The following ATP2B1 variants were observed in gnomAD, a reference collection of about 807,000 sequenced individuals.
ATP2B1 encodes ATPase plasma membrane Ca2+ transporting 1, also known as plasma membrane calcium-transporting ATPase 1.
A neutral mutation model predicts 124.2 loss-of-function variants in ATP2B1; 14 were observed. That is an observed-to-expected ratio of 0.11 (90% CI 0.07 to 0.18). The LOEUF (loss-of-function observed/expected upper bound fraction) is 0.18, where lower values mean the gene tolerates loss of function less well. Ranked by LOEUF, ATP2B1 falls within the 10% of genes least tolerant of loss-of-function variation. The probability of loss-of-function intolerance (pLI) is 1.00; values close to 1 mark genes in which losing one functional copy is unlikely to be tolerated. For synonymous variants in ATP2B1, 449 were observed against 492.4 expected (o/e 0.91, Z 1.17); for missense variants, 763 against 1,466.1 (o/e 0.52, Z 7.83).
intron 1 of ATP2B1, among the ~76,000 whole-genome samples, chr12:89,663,571 T>TA (rs901888241): frequency 2.6e-5 from 4 of 151,856 alleles, no homozygotes; most frequent in African/African-American, 7.3e-5. Context: ...TACCATTTGG[T>TA]AAAAAAAACA....
intron 3 of ATP2B1, among the ~76,000 whole-genome samples, chr12:89,637,318 C>T (rs530498540): frequency 5.3e-5 from 8 of 151,988 alleles, no homozygotes; most frequent in Non-Finnish European, 8.8e-5. Context: ...CTTTTAGCTG[C>T]GAGACATTAA....
At chr12:89,608,832 C>T (rs1877459706) in intron 15 of ATP2B1, among the ~76,000 whole-genome samples, 1 of 152,190 alleles carries the variant, frequency 6.6e-6, no homozygotes, top group Non-Finnish European at 1.5e-5. Flanking sequence ...AGGAAGAGCA[C>T]TTAATTATTC....
At chr12:89,595,141 T>C (rs1438931630) in intron 20 of ATP2B1, among the ~76,000 whole-genome samples, 1 of 152,064 alleles carries the variant, frequency 6.6e-6, no homozygotes, top group East Asian at 1.9e-4. Context: ...AATTATACAG[T>C]CTGTCATAAT....
At chr12:89,707,762 A>C (rs1386076001) in intron 1 of ATP2B1, among the ~76,000 whole-genome samples, 2 of 152,094 alleles carry the variant, frequency 1.3e-5, no homozygotes, top group African/African-American at 2.4e-5. Context: ...GCGCACAGAG[A>C]CCAACCTGGC....
At chr12:89,697,403 T>C (rs1891273641) in intron 1 of ATP2B1, among the ~76,000 whole-genome samples, 1 of 152,130 alleles carries the variant, frequency 6.6e-6, no homozygotes, top group Admixed American at 6.5e-5. Context: ...GACTCTTGAG[T>C]TATCCATAGA....
intron 9 of ATP2B1, among the ~76,000 whole-genome samples, chr12:89,623,053 T>A (rs1880263950): frequency 8.8e-6 from 1 of 113,384 alleles, no homozygotes; most frequent in South Asian, 3.6e-4. Context: ...TTATACTGTA[T>A]CTTATCACTT....
In ATP2B1 at chr12:89,655,965, C is replaced by CT; in HGVS notation, c.-80dup. ...CTTGATGTATTTCCAAGATGAAAAT[C>CT]TTTTAAGTATGAAAATCTTTCTTAA... is the stretch of plus-strand genomic sequence containing the variant. On this transcript the variant is annotated 5_prime_UTR_variant, in exon 2 of 21. Coordinates refer to ENST00000428670, the MANE Select transcript of ATP2B1 (RefSeq NM_001366521.1). The CT allele has an allele frequency of 1.4e-6, 2 of 1,405,112 alleles. No homozygotes were observed. The highest frequency in any genetic ancestry group is 1.9e-6 in the Non-Finnish European group (2 of 1,042,202). The allele number at this position is 1,405,112 out of a possible 1,614,324, so 87.0% of individuals were successfully genotyped here. A position where few individuals can be genotyped will look rare whatever the true frequency, so the allele number is the denominator to read the frequency against.
chr12:89,629,120 C>T (rs1881424338), intron 6 of ATP2B1, among the ~76,000 whole-genome samples: 1 of 152,154 alleles, frequency 6.6e-6, no homozygotes, highest in Admixed American at 6.5e-5. Context: ...GGAAAAGACA[C>T]TGTGGAATAC....
At chr12:89,675,258 A>T (rs1431511440) in intron 1 of ATP2B1, among the ~76,000 whole-genome samples, 1 of 152,212 alleles carries the variant, frequency 6.6e-6, no homozygotes, top group African/African-American at 2.4e-5. Context: ...TTAAAAATGA[A>T]CTAGAAAACC....
rs533918161 is a variant in ATP2B1 at position 89,630,809 on chromosome 12, C to G, written c.788-164G>C. 6.6e-4 allele frequency: 54 copies of G among 82,332 alleles called. No homozygotes were observed. The South Asian group carries it at 0.022, about 34-fold the overall frequency. 5.1% of individuals were successfully genotyped at this position (82,332 alleles called of 1,614,324 possible). The stretch of plus-strand genomic sequence containing the variant: ...TATATATATATTTTTAAGTCAGGGT[C>G]TTGGTCTGTCACCCAGGCTGGAGTG... On this transcript the variant is annotated intron_variant, in intron 5 of 20. Transcript: ENST00000428670.
At chr12:89,677,186 T>A (rs1888718957) in intron 1 of ATP2B1, among the ~76,000 whole-genome samples, 1 of 152,188 alleles carries the variant, frequency 6.6e-6, no homozygotes. Flanking sequence ...TGATACTGAA[T>A]ACAGACCCTG....
At chr12:89,647,884 C>T (rs1352349004) in intron 2 of ATP2B1, among the ~76,000 whole-genome samples, 1 of 152,010 alleles carries the variant, frequency 6.6e-6, no homozygotes, top group African/African-American at 2.4e-5. Context: ...CTGGGAACTC[C>T]TCCTTCTCTC....
chr12:89,607,922 C>CT (rs1592726975), intron 15 of ATP2B1, among the ~76,000 whole-genome samples: 1 of 152,036 alleles, frequency 6.6e-6, no homozygotes, highest in East Asian at 1.9e-4. Context: ...AGAACACACA[C>CT]TTTATCTATA....
In ATP2B1 at chr12:89,624,309, A is replaced by C. The variant is rs1880477809; in HGVS notation, c.1218T>G (p.Ala406=). The C allele has an allele frequency of 2.5e-6, 4 of 1,614,090 alleles. No homozygotes were observed. The highest frequency in any genetic ancestry group is 3.4e-6 in the Non-Finnish European group (4 of 1,180,020). Reference sequence around the variant, plus strand: ...ATTGTATATAAATTGGTGTGCACTCAGCAAGCCATGGTCTTTTCTGAACCC... The same window carrying C: ...ATTGTATATAAATTGGTGTGCACTCCGCAAGCCATGGTCTTTTCTGAACCC... ...TFWVQKRPWL[A]ECTPIYIQYF... Residue 406 remains alanine, a synonymous_variant, in exon 9 of 21, where the codon GCT becomes GCG. Transcript: ENST00000428670.
intron 1 of ATP2B1, among the ~76,000 whole-genome samples, chr12:89,658,417 A>G (rs930043519): frequency 6.6e-6 from 1 of 152,230 alleles, no homozygotes; most frequent in Non-Finnish European, 1.5e-5. Context: ...CCCAAGGTTT[A>G]AAAGCCTACT....
chr12:89,641,471 G>A (rs1257420012), intron 3 of ATP2B1, among the ~76,000 whole-genome samples: 2 of 151,810 alleles, frequency 1.3e-5, no homozygotes, highest in African/African-American at 4.8e-5. Context: ...ATCAATTTAT[G>A]TTTCATATAC....
intron 20 of ATP2B1, among the ~76,000 whole-genome samples, chr12:89,592,385 T>G (rs1592686445): frequency 6.6e-6 from 1 of 152,070 alleles, no homozygotes; most frequent in East Asian, 1.9e-4. Flanking sequence ...AGAAAAAAGA[T>G]GCGGTCACCA....
At chr12:89,627,562 G>A (rs912184874) in intron 7 of ATP2B1, 116 bp downstream of exon 7, 15 of 1,128,572 alleles carry the variant, frequency 1.3e-5, no homozygotes, top group Middle Eastern at 3.0e-4. Flanking sequence ...CCAAGCTAAC[G>A]TATATTGTTG....
intron 15 of ATP2B1, among the ~76,000 whole-genome samples, chr12:89,605,208 G>A (rs938486595): frequency 6.6e-6 from 1 of 152,162 alleles, no homozygotes; most frequent in African/African-American, 2.4e-5. Context: ...GTAATTAGAA[G>A]GGAGTAGGAT....
Sources: allele counts gnomAD v4.1 joint callset (sites outside exome capture counted in the v4.1 genomes callset), GRCh38; gene constraint gnomAD v4.1.1; transcripts MANE v1.5; gene names NCBI Gene and HGNC (gene_info 2026-07-23, HGNC 2026-07-21).